Variants in ROBO1 observed in about 807,000 individuals in gnomAD.
ROBO1 encodes roundabout homolog 1.
In ROBO1, 149 loss-of-function variants were observed where a neutral mutation model predicts 195.9. The ratio of observed to expected loss-of-function variants is 0.76; its 90% CI spans 0.67 to 0.87. The LOEUF (loss-of-function observed/expected upper bound fraction) is 0.87, where lower values mean the gene tolerates loss of function less well. Among genes scored for constraint, ROBO1 ranks in the 40% least tolerant of loss-of-function variants. The pLI is 0.00. For synonymous variants in ROBO1, 816 were observed against 733.2 expected (o/e 1.11, Z -1.82); for missense variants, 1,933 against 2,068.3 (o/e 0.93, Z 1.27).
rs890349900 is a variant in ROBO1 at position 79,066,166 on chromosome 3, T to TA, written c.172+59289dup. On this transcript the variant is annotated intron_variant, in intron 3 of 30. Coordinates refer to ENST00000464233, the MANE Select transcript of ROBO1 (RefSeq NM_002941.4). ...GGAGCCCTAAAAGACGTTAAGTTTT[T>TA]AAAAAATCAGTAAAACTAAGGATGG... is the stretch of plus-strand genomic sequence containing the variant. Among the ~76,000 whole-genome samples the TA allele has an allele frequency of 1.1e-4, 17 of 151,972 alleles. 1 individual carries two copies. The highest frequency in any genetic ancestry group is 6.8e-3 in the Middle Eastern group (2 of 294).
intron 4 of ROBO1, among the ~76,000 whole-genome samples, chr3:78,772,663 C>G (rs1386730078): frequency 6.6e-6 from 1 of 151,910 alleles, no homozygotes; most frequent in African/African-American, 2.4e-5. Context: ...ACAGTAGACC[C>G]TATTTTCATA....
At chr3:78,637,890 T>G (rs892149103) in intron 22 of ROBO1, among the ~76,000 whole-genome samples, 1 of 151,956 alleles carries the variant, frequency 6.6e-6, no homozygotes, top group Non-Finnish European at 1.5e-5. Context: ...CTCTCGCCTT[T>G]CCGTAATTCC....
chr3:78,606,723 G>T lies in ROBO1; in HGVS notation c.4744+10C>A. The T allele has an allele frequency of 1.2e-6, 2 of 1,611,238 alleles. No individual in the cohort carries two copies. Among genetic ancestry groups the T allele is most frequent in the South Asian group, 1.1e-5 (1 of 90,892 alleles). On this transcript the variant is annotated intron_variant, in intron 29 of 30. Coordinates refer to ENST00000464233, the MANE Select transcript of ROBO1 (RefSeq NM_002941.4). ...ATCTGTATTTATTTGCTGCTTGATT[G>T]GATGAGTACCTTGGATGAGATGAGT...
intron 3 of ROBO1, among the ~76,000 whole-genome samples, chr3:79,113,885 A>G (rs2079939758): frequency 6.6e-6 from 1 of 152,160 alleles, no homozygotes; most frequent in Non-Finnish European, 1.5e-5. Context: ...TATTGCACAC[A>G]TAACTTATAT....
chr3:79,033,520 C>T (rs544222696), intron 3 of ROBO1, among the ~76,000 whole-genome samples: 1 of 152,154 alleles, frequency 6.6e-6, no homozygotes, highest in African/African-American at 2.4e-5. Context: ...CCAAGGAATA[C>T]AAAATGCATA....
intron 1 of ROBO1, among the ~76,000 whole-genome samples, chr3:79,690,570 A>G (rs1419784213): frequency 6.6e-6 from 1 of 152,058 alleles, no homozygotes; most frequent in Non-Finnish European, 1.5e-5. Context: ...CAACCTACAG[A>G]ATGGTGAGAT....
intron 3 of ROBO1, among the ~76,000 whole-genome samples, chr3:78,979,327 C>G (rs2076944081): frequency 6.6e-6 from 1 of 152,164 alleles, no homozygotes; most frequent in Admixed American, 6.6e-5. Context: ...TTTTATCTCA[C>G]ACTGTCTTTG....
At chr3:79,592,932 T>C (rs1205473701) in intron 1 of ROBO1, among the ~76,000 whole-genome samples, 1 of 152,084 alleles carries the variant, frequency 6.6e-6, no homozygotes, top group East Asian at 1.9e-4. Flanking sequence ...ACTGCTGATC[T>C]GTTTGTTATC....
intron 4 of ROBO1, among the ~76,000 whole-genome samples, chr3:78,918,336 C>CT (rs2038748934): frequency 6.6e-6 from 1 of 151,988 alleles, no homozygotes; most frequent in African/African-American, 2.4e-5. Flanking sequence ...TGTCTATGGT[C>CT]TATAAAACAC....
intron 1 of ROBO1, among the ~76,000 whole-genome samples, chr3:79,596,956 T>A (rs1365174672): frequency 6.6e-6 from 1 of 151,976 alleles, no homozygotes; most frequent in Non-Finnish European, 1.5e-5. Context: ...ACAAGTCTAA[T>A]TGGTGGAGAA....
intron 3 of ROBO1, among the ~76,000 whole-genome samples, chr3:79,061,612 C>A (rs563884506): frequency 1.3e-5 from 2 of 152,244 alleles, no homozygotes; most frequent in East Asian, 3.9e-4. Context: ...TACTGCATGG[C>A]TACAGTAACC....
chr3:79,519,639 A>T (rs1941116871), intron 2 of ROBO1, among the ~76,000 whole-genome samples: 1 of 150,968 alleles, frequency 6.6e-6, no homozygotes, highest in Admixed American at 6.6e-5. Context: ...AAAAAAAAAA[A>T]AAAAAAAAAA....
intron 22 of ROBO1, among the ~76,000 whole-genome samples, chr3:78,639,092 GCTGAGATTGCGCCT>G (rs1349703175): frequency 6.6e-6 from 1 of 151,348 alleles, no homozygotes; most frequent in Non-Finnish European, 1.5e-5. Flanking sequence ...GTTGCAGTGA[GCTGAGATTGCGCCT>G]CTGAGCTCCA....
intron 2 of ROBO1, among the ~76,000 whole-genome samples, chr3:79,345,627 T>G (rs1227978110): frequency 2.6e-5 from 4 of 152,068 alleles, no homozygotes; most frequent in African/African-American, 9.7e-5. Context: ...ACCCACACCG[T>G]TTTTGCTTTC....
intron 25 of ROBO1, among the ~76,000 whole-genome samples, chr3:78,630,377 T>G (rs974468681): frequency 6.6e-6 from 1 of 152,234 alleles, no homozygotes; most frequent in South Asian, 2.1e-4. Flanking sequence ...AAATGCATTT[T>G]ATAAAAAGAT....
chr3:79,138,463 C>T (rs548875530), intron 2 of ROBO1, among the ~76,000 whole-genome samples: 2 of 152,136 alleles, frequency 1.3e-5, no homozygotes, highest in East Asian at 3.9e-4. Context: ...ATATACTTAT[C>T]TATCTAAAAT....
At chr3:79,072,439 T>C (rs946338565) in intron 3 of ROBO1, among the ~76,000 whole-genome samples, 2 of 151,934 alleles carry the variant, frequency 1.3e-5, no homozygotes, top group African/African-American at 2.4e-5. Flanking sequence ...AATATAGCAG[T>C]GACAAGCCTG....
intron 10 of ROBO1, among the ~76,000 whole-genome samples, chr3:78,678,408 C>A (rs1488616627): frequency 6.6e-6 from 1 of 151,902 alleles, no homozygotes; most frequent in Admixed American, 6.6e-5. Flanking sequence ...AAAGGATCAA[C>A]AAAATTGATA....
intron 5 of ROBO1, among the ~76,000 whole-genome samples, chr3:78,737,418 A>G (rs2082417426): frequency 6.6e-6 from 1 of 152,210 alleles, no homozygotes; most frequent in African/African-American, 2.4e-5. Flanking sequence ...ACAATAATAA[A>G]GAGAACACCA....
Sources: allele counts gnomAD v4.1 joint callset (sites outside exome capture counted in the v4.1 genomes callset), GRCh38; gene constraint gnomAD v4.1.1; transcripts MANE v1.5; gene names NCBI Gene and HGNC (gene_info 2026-07-23, HGNC 2026-07-21).